HMOX1: variants seen among roughly 807,000 people sequenced by gnomAD.
HMOX1 encodes the protein heat shock protein, 32-kD.
In HMOX1, 22 loss-of-function variants were observed where a neutral mutation model predicts 27.8. The observed-to-expected ratio is 0.79, with a 90% confidence interval of 0.57 to 1.13. The LOEUF (loss-of-function observed/expected upper bound fraction) is 1.13, where lower values mean the gene tolerates loss of function less well. Ranked by LOEUF, HMOX1 falls within the 50% of genes most tolerant of loss-of-function variation. HMOX1 has a pLI of 0.00. For synonymous variants in HMOX1, 153 were observed against 151.6 expected (o/e 1.01, Z -0.07); for missense variants, 379 against 377.7 (o/e 1.00, Z -0.03).
chr22:35,390,206 G>A (rs1017058342), intron 4 of HMOX1: 84 of 541,574 alleles, frequency 1.6e-4, no homozygotes, highest in East Asian at 1.1e-3. Flanking sequence ...AGTTACAGGC[G>A]CGAGCCACCA....
chr22:35,386,423 T>G (rs1931503638), intron 2 of HMOX1, among the ~76,000 whole-genome samples: 1 of 152,178 alleles, frequency 6.6e-6, no homozygotes, highest in African/African-American at 2.4e-5. Flanking sequence ...TGTTAGATCT[T>G]TATATAAGGA....
At chr22:35,393,331 T>A in intron 4 of HMOX1, 137 bp from the exon 5 acceptor site, 7 of 1,014,478 alleles carry the variant, frequency 6.9e-6, no homozygotes, top group Non-Finnish European at 1.1e-5. Flanking sequence ...GACACCTGTC[T>A]GTGGTCTTGC....
At chr22:35,381,385 AT>A in intron 1 of HMOX1, 189 bp downstream of exon 1, 1 of 657,594 alleles carries the variant, frequency 1.5e-6, no homozygotes, top group Non-Finnish European at 2.6e-6. Context: ...AGGAACGGTA[AT>A]TTACATGCCT....
At chr22:35,382,663 C>T (rs1291874452) in intron 1 of HMOX1, among the ~76,000 whole-genome samples, 1 of 145,650 alleles carries the variant, frequency 6.9e-6, no homozygotes, top group African/African-American at 2.6e-5. Context: ...ATGCCTGGCC[C>T]TTTTTTTCTT....
chr22:35,387,173 C>T lies in HMOX1; in HGVS notation c.633C>T (p.Ile211=). ...EEAKTAFLLN[I]QLFEELQELL... ...CCAAGACTGCGTTCCTGCTCAACATCCAGGTGAGGGTCGGGCAGCCTGGGG... is the reference window on the plus strand; with the variant it reads ...CCAAGACTGCGTTCCTGCTCAACATTCAGGTGAGGGTCGGGCAGCCTGGGG... The change falls in exon 3 of 5, where the codon ATC becomes ATT. Residue 211 remains isoleucine (I), a synonymous_variant. Coordinates refer to ENST00000216117, the MANE Select transcript of HMOX1 (RefSeq NM_002133.3). The T allele has an allele frequency of 6.2e-7, 1 of 1,613,420 alleles. No individual in the cohort carries two copies. The highest frequency in any genetic ancestry group is 8.5e-7 in the Non-Finnish European group (1 of 1,180,030).
At chr22:35,391,507 T>C (rs1341303440) in intron 4 of HMOX1, among the ~76,000 whole-genome samples, 1 of 151,418 alleles carries the variant, frequency 6.6e-6, no homozygotes, top group Admixed American at 6.6e-5. Context: ...CAGGATGGTC[T>C]CGATCTCCTG....
intron 4 of HMOX1, 82 bp downstream of exon 4, chr22:35,390,045 C>T: frequency 2.1e-6 from 2 of 961,468 alleles, no homozygotes; most frequent in Non-Finnish European, 3.2e-6. Flanking sequence ...CTCTATTCCT[C>T]TGTTTTCTGA....
intron 2 of HMOX1, among the ~76,000 whole-genome samples, chr22:35,383,444 T>C (rs538218980): frequency 6.6e-6 from 1 of 152,250 alleles, no homozygotes; most frequent in South Asian, 2.1e-4. Flanking sequence ...GTGGAGGGGC[T>C]GGGGCAGCAG....
intron 1 of HMOX1, among the ~76,000 whole-genome samples, chr22:35,382,071 G>A (rs2145763691): frequency 6.6e-6 from 1 of 152,128 alleles, no homozygotes; most frequent in South Asian, 2.1e-4. Flanking sequence ...TTTGCATCTG[G>A]AACTTTAACA....
intron 2 of HMOX1, among the ~76,000 whole-genome samples, chr22:35,385,609 C>CTTTTTT (rs71191362): frequency 2.1e-5 from 2 of 94,186 alleles, no homozygotes; most frequent in Non-Finnish European, 4.0e-5. Context: ...CCATACCTGG[C>CTTTTTT]TTTTTTTTTT....
chr22:35,392,221 C>CAAAAAAAAAAAAAA, intron 4 of HMOX1, among the ~76,000 whole-genome samples: 1 of 90,656 alleles, frequency 1.1e-5, no homozygotes, highest in Non-Finnish European at 2.1e-5. Context: ...GACTCCATCT[C>CAAAAAAAAAAAAAA]AAAAAAAAAA....
intron 3 of HMOX1, among the ~76,000 whole-genome samples, chr22:35,389,190 T>C (rs911391824): frequency 1.2e-5 from 1 of 82,550 alleles, no homozygotes; most frequent in Non-Finnish European, 2.5e-5. Flanking sequence ...GGATATGAAT[T>C]TTCTTTCTTT....
intron 2 of HMOX1, among the ~76,000 whole-genome samples, 167 bp from the exon 3 acceptor site, chr22:35,386,518 A>G (rs1481281680): frequency 6.6e-6 from 1 of 151,444 alleles, no homozygotes; most frequent in African/African-American, 2.4e-5. Flanking sequence ...TCTTGTAAAA[A>G]CCCCTCTGGC....
intron 3 of HMOX1, among the ~76,000 whole-genome samples, chr22:35,389,305 T>TTC (rs201490073): frequency 4.6e-5 from 6 of 129,250 alleles, no homozygotes; most frequent in Admixed American, 4.4e-4. Flanking sequence ...TCTTCTTTCT[T>TTC]TCTTTCTTTC....
intron 2 of HMOX1, among the ~76,000 whole-genome samples, chr22:35,384,139 T>C (rs1360957876): frequency 6.6e-6 from 1 of 152,092 alleles, no homozygotes; most frequent in African/African-American, 2.4e-5. Context: ...TGGAGTGCAA[T>C]GGCAAGATCT....
At chr22:35,385,828 C>G (rs927188386) in intron 2 of HMOX1, among the ~76,000 whole-genome samples, 1 of 151,834 alleles carries the variant, frequency 6.6e-6, no homozygotes, top group Non-Finnish European at 1.5e-5. Context: ...ATTGCCCAGG[C>G]TGGTCTCTTG....
At chr22:35,390,445 T>A (rs1415751911) in intron 4 of HMOX1, among the ~76,000 whole-genome samples, 1 of 152,024 alleles carries the variant, frequency 6.6e-6, no homozygotes, top group Non-Finnish European at 1.5e-5. Context: ...GCCAGGCTGG[T>A]CTCGAACTCC....
At position 35,381,191 on chromosome 22, in the gene HMOX1, C is replaced by T. The variant is rs763678808; in HGVS notation, c.18C>T (p.Pro6=). The T allele has an allele frequency of 7.1e-6, 11 of 1,547,060 alleles. No homozygotes were observed. The highest frequency in any genetic ancestry group is 3.3e-4 in the Middle Eastern group (2 of 6,006). The change falls in exon 1 of 5, where the codon CCC becomes CCT. Residue 6 remains proline, a synonymous_variant. Transcript: ENST00000216117. MERPQ[P]DSMPQDLSEA... is the part of the protein sequence containing the mutation. ...CCGGCCGGATGGAGCGTCCGCAACC[C>T]GACAGGCAAGCGCGGGGCGCGGGAC...
At chr22:35,389,336 T>TCCCC (rs1401142563) in intron 3 of HMOX1, among the ~76,000 whole-genome samples, 1 of 118,474 alleles carries the variant, frequency 8.4e-6, no homozygotes. Flanking sequence ...CTTTCTTTCT[T>TCCCC]TCTTCTCCTT....
Sources: allele counts gnomAD v4.1 joint callset (sites outside exome capture counted in the v4.1 genomes callset), GRCh38; gene constraint gnomAD v4.1.1; transcripts MANE v1.5; gene names NCBI Gene and HGNC (gene_info 2026-07-23, HGNC 2026-07-21).